The following SOD2 variants were observed in gnomAD, a reference collection of about 807,000 sequenced individuals.
SOD2 encodes superoxide dismutase 2.
In SOD2, 11 loss-of-function variants were observed where a neutral mutation model predicts 27.0. The observed-to-expected ratio is 0.41, with a 90% CI of 0.26 to 0.67. The LOEUF is 0.67. Among genes scored for constraint, SOD2 ranks in the 30% least tolerant of loss-of-function variants. SOD2 has a pLI of 0.34. For missense variants in SOD2, 250 were observed against 274.5 expected, an observed-to-expected ratio of 0.91 and a Z score of 0.63; for synonymous variants, 105 against 103.0, an observed-to-expected ratio of 1.02 and a Z score of -0.12.
intron 1 of SOD2, chr6:159,736,798 C>T (rs1457153529): frequency 6.5e-6 from 1 of 153,022 alleles, no homozygotes; most frequent in East Asian, 1.9e-4. Flanking sequence ...GTTGTGCATT[C>T]CTACCTTGAG....
At chr6:159,711,453 C>G (rs532767149) in intron 1 of SOD2, among the ~76,000 whole-genome samples, 2 of 54,254 alleles carry the variant, frequency 3.7e-5, no homozygotes, top group African/African-American at 1.5e-4. Flanking sequence ...CCACCACTCA[C>G]ATTGCTCTGA....
At chr6:159,745,599 T>C (rs1318283322), upstream of SOD2, among the ~76,000 whole-genome samples, 6 of 152,246 alleles carry the variant, frequency 3.9e-5, no homozygotes, top group South Asian at 6.2e-4. Flanking sequence ...GGATAAAGTT[T>C]CAGGTGAGAG....
intron 1 of SOD2, among the ~76,000 whole-genome samples, chr6:159,712,238 G>A (rs111210739): frequency 5.2e-5 from 6 of 116,308 alleles, no homozygotes; most frequent in African/African-American, 6.1e-5. Context: ...CACTCACATT[G>A]CTCTGATCAC....
intron 1 of SOD2, among the ~76,000 whole-genome samples, chr6:159,700,712 A>AT (rs1298861240): frequency 3.0e-4 from 45 of 151,734 alleles, no homozygotes; most frequent in Admixed American, 2.6e-3. Flanking sequence ...TCCAACTCCC[A>AT]TTTTTTTGAT....
intron 1 of SOD2, chr6:159,726,625 G>C: frequency 2.3e-6 from 1 of 438,358 alleles, no homozygotes; most frequent in Non-Finnish European, 3.9e-6. Flanking sequence ...CCACTTGCAG[G>C]ACCTCTTTGA....
chr6:159,681,311 C>G lies in SOD2; in HGVS notation c.*1182G>C, dbSNP rs919001813. The G allele has an allele frequency of 6.6e-6, 1 of 152,008 alleles. No homozygotes were observed. The highest frequency in any genetic ancestry group is 2.4e-5 in the African/African-American group (1 of 41,382). The allele number at this position is 152,008 out of a possible 1,614,324, so 9.4% of individuals were successfully genotyped here. ...AGGTCATAACAGTTTCAAACAATAG[C>G]CAGGGAAGTTAGAGTCACCTAGAGA... is the stretch of plus-strand genomic sequence containing the variant. On this transcript the variant is annotated 3_prime_UTR_variant, in exon 5 of 5. Coordinates refer to ENST00000538183, the MANE Select transcript of SOD2 (RefSeq NM_000636.4).
At chr6:159,745,281 A>G (rs1779508524), upstream of SOD2, 1 of 152,186 alleles carries the variant, frequency 6.6e-6, no homozygotes, top group Non-Finnish European at 1.5e-5. Flanking sequence ...TGTTTGTGCT[A>G]TTCATGCACA....
At chr6:159,689,828 C>T (rs1394798332) in intron 2 of SOD2, among the ~76,000 whole-genome samples, 3 of 152,176 alleles carry the variant, frequency 2.0e-5, no homozygotes, top group South Asian at 2.1e-4. Context: ...GGTATGGTGG[C>T]GCGTGCCTAT....
At chr6:159,712,207 CATAA>C in intron 1 of SOD2, among the ~76,000 whole-genome samples, 1 of 125,084 alleles carries the variant, frequency 8.0e-6, no homozygotes, top group African/African-American at 2.8e-5. Context: ...CTCTGATCAC[CATAA>C]CCACCTCCAT....
At chr6:159,759,863 A>G (rs1205337582) in intron 1 of SOD2, among the ~76,000 whole-genome samples, 1 of 152,190 alleles carries the variant, frequency 6.6e-6, no homozygotes, top group Non-Finnish European at 1.5e-5. Flanking sequence ...TAGAGCCTTC[A>G]GGCAGGAAAC....
intron 1 of SOD2, among the ~76,000 whole-genome samples, chr6:159,707,884 A>G (rs1777657991): frequency 6.6e-6 from 1 of 152,212 alleles, no homozygotes; most frequent in African/African-American, 2.4e-5. Context: ...ATCCTGGCAA[A>G]CTGAATCCAG....
rs190178240 is a variant in SOD2, at chr6:159,672,979, A to C, written c.*9514T>G. ...CTCTGATAAAACAGACTTTAAACCAACAAAGATCAAAAGAGACAAAGAAGG... is the reference window on the plus strand; with the variant it reads ...CTCTGATAAAACAGACTTTAAACCACCAAAGATCAAAAGAGACAAAGAAGG... On this transcript the variant is annotated 3_prime_UTR_variant, in exon 5 of 5. Transcript: ENST00000538183. 5.1e-4 allele frequency: 77 copies of C among 152,350 alleles called. No individual in the cohort carries two copies. Among genetic ancestry groups the C allele is most frequent in the African/African-American group, 1.8e-3 (73 of 41,576 alleles). 9.4% of individuals were successfully genotyped at this position (152,350 alleles called of 1,614,324 possible).
chr6:159,683,334 A>C (rs958469420), intron 4 of SOD2, among the ~76,000 whole-genome samples: 2 of 152,050 alleles, frequency 1.3e-5, no homozygotes, highest in Non-Finnish European at 2.9e-5. Flanking sequence ...AAATACAAAA[A>C]ATTAGCCTGG....
chr6:159,692,827 C>T lies in SOD2; in HGVS notation c.60G>A (p.Leu20=), dbSNP rs745565425. The T allele has an allele frequency of 6.2e-7, 1 of 1,613,274 alleles. No homozygotes were observed. Among genetic ancestry groups the T allele is most frequent in the Non-Finnish European group, 8.5e-7 (1 of 1,179,838 alleles). The change falls in exon 2 of 5, where the codon CTG becomes CTA. Residue 20 remains leucine, a synonymous_variant. Coordinates refer to ENST00000538183, the MANE Select transcript of SOD2 (RefSeq NM_000636.4). ...GGAGGCTGTGCTTCTGCCTGGAGCC[C>T]AGATACCCCAAAACCGGAGCCAGCT... ...SRQLAPVLGY[L]GSRQKHSLPD...
intron 3 of SOD2, among the ~76,000 whole-genome samples, chr6:159,687,672 C>T (rs905152949): frequency 3.3e-5 from 5 of 152,076 alleles, no homozygotes; most frequent in African/African-American, 9.7e-5. Context: ...TTATCATACT[C>T]GTTGTTATGA....
At chr6:159,761,468 C>G (rs534284224) in exon 1 of SOD2, 1 of 452,586 alleles carries the variant, frequency 2.2e-6, no homozygotes, top group Non-Finnish European at 4.4e-6. Context: ...GGGCTCGCAC[C>G]GAGACGCTCC....
chr6:159,727,248 C>T (rs1379689459), exon 1 of SOD2: 3 of 1,281,860 alleles, frequency 2.3e-6, no homozygotes, highest in South Asian at 1.2e-5. Flanking sequence ...GCTAGGCCGA[C>T]GGCCTCCCTC....
At chr6:159,761,129 T>C (rs1780115315) in exon 1 of SOD2, 1 of 160,440 alleles carries the variant, frequency 6.2e-6, no homozygotes, top group Admixed American at 6.4e-5. Flanking sequence ...ACTTTAAAGT[T>C]CTTCAGGAAG....
chr6:159,687,808 AC>A (rs1780261484), intron 3 of SOD2, among the ~76,000 whole-genome samples: 1 of 152,084 alleles, frequency 6.6e-6, no homozygotes, highest in South Asian at 2.1e-4. Context: ...GGAGTTCAAG[AC>A]CAGCCTGGCC....
Sources: allele counts gnomAD v4.1 joint callset (sites outside exome capture counted in the v4.1 genomes callset), GRCh38; gene constraint gnomAD v4.1.1; transcripts MANE v1.5; gene names NCBI Gene and HGNC (gene_info 2026-07-23, HGNC 2026-07-21).